The following ACBD6 variants were observed in gnomAD, a reference collection of about 807,000 sequenced individuals.
ACBD6 encodes acyl-CoA-binding domain-containing protein 6.
In ACBD6, 28 loss-of-function variants were observed where a neutral mutation model predicts 37.2. The observed-to-expected ratio is 0.75, with a 90% CI of 0.56 to 1.03. ACBD6 has a LOEUF of 1.03. Among genes scored for constraint, ACBD6 ranks in the 50% least tolerant of loss-of-function variants. The probability of loss-of-function intolerance (pLI) is 0.00; values close to 1 mark genes in which losing one functional copy is unlikely to be tolerated. For synonymous variants in ACBD6, 113 were observed against 126.8 expected, an observed-to-expected ratio of 0.89 and a Z score of 0.73; for missense variants, 340 against 337.4, an observed-to-expected ratio of 1.01 and a Z score of -0.06.
Position 180,342,484 on chromosome 1 carries a change from T to C in ACBD6, c.664-27762A>G, listed in dbSNP as rs568083829. On this transcript the variant is annotated intron_variant, in intron 6 of 7. Coordinates refer to ENST00000367595, the MANE Select transcript of ACBD6 (RefSeq NM_032360.4). ...CATTTTTTGTATGCCTAGCATACAATAGGCACTTAAGAAATATTCAATCAT... is the reference window on the plus strand; with the variant it reads ...CATTTTTTGTATGCCTAGCATACAACAGGCACTTAAGAAATATTCAATCAT... Among the ~76,000 whole-genome samples, 11 of 152,262 alleles carry C rather than the reference T, an allele frequency of 7.2e-5. No homozygotes were observed. In the South Asian group the frequency reaches 8.3e-4, roughly 11 times the overall value.
intron 6 of ACBD6, among the ~76,000 whole-genome samples, chr1:180,338,879 T>C (rs551296263): frequency 3.3e-5 from 5 of 152,216 alleles, no homozygotes; most frequent in South Asian, 4.1e-4. Context: ...AGGGTATCAA[T>C]AGACACTTCT....
At chr1:180,361,408 A>C (rs1326687672) in intron 6 of ACBD6, among the ~76,000 whole-genome samples, 1 of 152,076 alleles carries the variant, frequency 6.6e-6, no homozygotes, top group African/African-American at 2.4e-5. Context: ...AGAATCTGTA[A>C]AGTATCTGTA....
intron 5 of ACBD6, among the ~76,000 whole-genome samples, chr1:180,411,711 G>C (rs568933672): frequency 5.4e-4 from 82 of 152,284 alleles, no homozygotes; most frequent in South Asian, 2.9e-3. Flanking sequence ...TGTTGCCCAG[G>C]CTGGAGTGCC....
downstream of ACBD6, among the ~76,000 whole-genome samples, chr1:180,286,570 T>G (rs1382423057): frequency 6.6e-6 from 1 of 152,200 alleles, no homozygotes; most frequent in African/African-American, 2.4e-5. Context: ...ACACATTCAA[T>G]TAGTGTGGAA....
intron 7 of ACBD6, among the ~76,000 whole-genome samples, chr1:180,303,605 C>T (rs531351071): frequency 6.6e-6 from 1 of 150,756 alleles, no homozygotes; most frequent in Non-Finnish European, 1.5e-5. Flanking sequence ...GAAATTGAGG[C>T]AAAAATTAAT....
chr1:180,274,325 C>T (rs1415701362), intron 10 of ACBD6: 10 of 1,614,202 alleles, frequency 6.2e-6, no homozygotes, highest in Non-Finnish European at 8.5e-6. Flanking sequence ...GGATGGGAGC[C>T]CCTATGGAAT....
At chr1:180,491,631 A>G (rs910113883) in intron 3 of ACBD6, among the ~76,000 whole-genome samples, 2 of 152,200 alleles carry the variant, frequency 1.3e-5, no homozygotes, top group Admixed American at 6.5e-5. Context: ...TTGCCCTTGC[A>G]TAGAAAGTGA....
chr1:180,294,716 G>C (rs910842889), intron 7 of ACBD6, among the ~76,000 whole-genome samples: 3 of 145,662 alleles, frequency 2.1e-5, no homozygotes, highest in Non-Finnish European at 4.5e-5. Flanking sequence ...TTTTTTTGGT[G>C]TCACATCTCA....
chr1:180,378,996 G>A (rs570997200), intron 6 of ACBD6, among the ~76,000 whole-genome samples: 2 of 152,200 alleles, frequency 1.3e-5, no homozygotes, highest in South Asian at 4.1e-4. Context: ...AAGTTACCTG[G>A]AAGCCTACAA....
At chr1:180,395,379 G>A (rs1260983343) in intron 6 of ACBD6, among the ~76,000 whole-genome samples, 2 of 152,048 alleles carry the variant, frequency 1.3e-5, no homozygotes, top group African/African-American at 4.8e-5. Context: ...TGAAATAGGA[G>A]GTATTCTGAA....
At chr1:180,391,120 T>C (rs1201729965) in intron 6 of ACBD6, among the ~76,000 whole-genome samples, 4 of 152,140 alleles carry the variant, frequency 2.6e-5, no homozygotes, top group African/African-American at 9.7e-5. Context: ...AACAACTGGA[T>C]ATCCATATGT....
At chr1:180,482,132 TA>T (rs1651074657) in intron 3 of ACBD6, among the ~76,000 whole-genome samples, 1 of 152,202 alleles carries the variant, frequency 6.6e-6, no homozygotes, top group Non-Finnish European at 1.5e-5. Context: ...TCTGTTTAGT[TA>T]TTTTTTTAAA....
chr1:180,322,095 T>C (rs566299275), intron 6 of ACBD6, among the ~76,000 whole-genome samples: 1 of 152,236 alleles, frequency 6.6e-6, no homozygotes, highest in Non-Finnish European at 1.5e-5. Flanking sequence ...TATCAAATAC[T>C]TTTTCAGCAT....
rs138903411 is a variant in ACBD6, at chr1:180,386,149, G to A, written c.663+11367C>T. Among the ~76,000 whole-genome samples the A allele has an allele frequency of 7.1e-3, 1,077 of 152,278 alleles. 8 individuals are homozygous for A. Among genetic ancestry groups the A allele is most frequent in the African/African-American group, 0.024 (1,004 of 41,546 alleles). On this transcript the variant is annotated intron_variant, in intron 6 of 7. Coordinates refer to ENST00000367595, the MANE Select transcript of ACBD6 (RefSeq NM_032360.4). ...TGCACCACTGCACTCCAGCCTGGGC[G>A]ACAGAGCTAGACACTGTCTCAAAAA... is the stretch of plus-strand genomic sequence containing the variant.
At chr1:180,428,290 AT>A (rs899847632) in intron 4 of ACBD6, among the ~76,000 whole-genome samples, 35 of 152,346 alleles carry the variant, frequency 2.3e-4, no homozygotes, top group African/African-American at 7.7e-4. Context: ...TTTCATGAAA[AT>A]GCCAAAAGTA....
chr1:180,466,921 T>A (rs146371688), intron 3 of ACBD6, among the ~76,000 whole-genome samples: 66 of 152,188 alleles, frequency 4.3e-4, no homozygotes, highest in Non-Finnish European at 3.1e-4. Context: ...CCCATATATA[T>A]CTATATAAAT....
At chr1:180,430,358 TA>T in intron 3 of ACBD6, 96 bp from the exon 4 acceptor site, 5 of 1,071,642 alleles carry the variant, frequency 4.7e-6, no homozygotes, top group Non-Finnish European at 7.1e-6. Flanking sequence ...TAAGAAAGAC[TA>T]AGGATTTTAC....
chr1:180,418,227 T>C (rs973950416), intron 4 of ACBD6, among the ~76,000 whole-genome samples: 2 of 152,166 alleles, frequency 1.3e-5, no homozygotes, highest in Non-Finnish European at 2.9e-5. Flanking sequence ...ACAGATGTTT[T>C]TCTCCCTGAA....
intron 6 of ACBD6, among the ~76,000 whole-genome samples, chr1:180,358,316 A>G (rs1374956862): frequency 6.6e-6 from 1 of 152,112 alleles, no homozygotes; most frequent in Non-Finnish European, 1.5e-5. Context: ...AATCCCAGCT[A>G]CTCAGTTGGC....
Sources: gnomAD v4.1 joint callset for allele counts (sites outside exome capture counted in the v4.1 genomes callset) on GRCh38, gnomAD v4.1.1 for gene constraint, MANE v1.5 for transcripts, NCBI Gene and HGNC (gene_info 2026-07-23, HGNC 2026-07-21) for gene names.